The following TYR variants were observed in gnomAD, a reference collection of about 807,000 sequenced individuals.
The protein encoded by TYR is LB24-AB.
In TYR, 58 loss-of-function variants were observed where a neutral mutation model predicts 51.5. That is an observed-to-expected ratio of 1.13 (90% CI 0.91 to 1.40). TYR has a LOEUF of 1.40. Among genes scored for constraint, TYR ranks in the 40% most tolerant of loss-of-function variants. The pLI, the probability that TYR is intolerant of heterozygous loss-of-function variation, is 0.00. For synonymous variants in TYR, 263 were observed against 235.2 expected, an observed-to-expected ratio of 1.12 and a Z score of -1.08; for missense variants, 732 against 647.4, an observed-to-expected ratio of 1.13 and a Z score of -1.42.
At chr11:89,194,622 TCTA>T (rs1943491259) in intron 2 of TYR, among the ~76,000 whole-genome samples, 1 of 152,078 alleles carries the variant, frequency 6.6e-6, no homozygotes, top group Non-Finnish European at 1.5e-5. Context: ...TATTCAGGAT[TCTA>T]CTATTAGCAA....
chr11:89,181,795 C>T (rs746955047), intron 1 of TYR, among the ~76,000 whole-genome samples: 85 of 152,242 alleles, frequency 5.6e-4, no homozygotes, highest in African/African-American at 1.7e-3. Flanking sequence ...TAAAACCAAG[C>T]GGCTCTGACT....
chr11:89,213,901 G>A (rs769290200), intron 2 of TYR, among the ~76,000 whole-genome samples: 1 of 152,186 alleles, frequency 6.6e-6, no homozygotes, highest in South Asian at 2.1e-4. Flanking sequence ...GTAGAAATCT[G>A]AAACTGGATC....
intron 1 of TYR, among the ~76,000 whole-genome samples, chr11:89,181,557 C>G (rs1480773919): frequency 1.3e-5 from 2 of 152,086 alleles, no homozygotes; most frequent in Non-Finnish European, 2.9e-5. Flanking sequence ...TAAGACCTTC[C>G]AAATTAGCTA....
chr11:89,235,151 A>G (rs1944094775), intron 3 of TYR, among the ~76,000 whole-genome samples: 1 of 152,188 alleles, frequency 6.6e-6, no homozygotes, highest in Non-Finnish European at 1.5e-5. Flanking sequence ...TGACTTGTTC[A>G]AATACCTCTT....
At chr11:89,257,119 G>A (rs1274203144) in intron 3 of TYR, among the ~76,000 whole-genome samples, 4 of 151,950 alleles carry the variant, frequency 2.6e-5, no homozygotes, top group African/African-American at 4.8e-5. Context: ...GTCCTTTGCT[G>A]TTCTAGCCTA....
intron 2 of TYR, among the ~76,000 whole-genome samples, chr11:89,226,958 C>G (rs1189479730): frequency 6.6e-6 from 1 of 152,076 alleles, no homozygotes; most frequent in Non-Finnish European, 1.5e-5. Context: ...TCTTCCTCTT[C>G]CTCTTCTTAA....
intron 3 of TYR, among the ~76,000 whole-genome samples, chr11:89,256,545 T>C (rs1944394173): frequency 6.6e-6 from 1 of 151,740 alleles, no homozygotes; most frequent in African/African-American, 2.4e-5. Flanking sequence ...ACAGAAACAA[T>C]GCTAGTTGTT....
intron 2 of TYR, among the ~76,000 whole-genome samples, chr11:89,204,789 C>A (rs1320305925): frequency 6.6e-6 from 1 of 151,066 alleles, no homozygotes; most frequent in East Asian, 1.9e-4. Context: ...AGAAAATAAT[C>A]CCTTATCATA....
intron 1 of TYR, among the ~76,000 whole-genome samples, chr11:89,181,028 T>TCTC (rs1035308927): frequency 1.3e-5 from 2 of 152,176 alleles, no homozygotes; most frequent in African/African-American, 4.8e-5. Context: ...ATTCAGGTGG[T>TCTC]CTCCTGTGAG....
chr11:89,277,578 C>G (rs1412612546), intron 3 of TYR, among the ~76,000 whole-genome samples: 1 of 151,702 alleles, frequency 6.6e-6, no homozygotes, highest in Non-Finnish European at 1.5e-5. Context: ...GACCTGACAT[C>G]CCCACTGAAA....
chr11:89,195,172 T>G (rs2135256406), intron 2 of TYR, among the ~76,000 whole-genome samples: 1 of 152,336 alleles, frequency 6.6e-6, no homozygotes, highest in South Asian at 2.1e-4. Context: ...GAATTGTTAC[T>G]TTTGATTATA....
chr11:89,250,372 A>C (rs1179692019), intron 3 of TYR, among the ~76,000 whole-genome samples: 1 of 151,930 alleles, frequency 6.6e-6, no homozygotes, highest in Admixed American at 6.6e-5. Flanking sequence ...CTATTAATTG[A>C]CTAAAATTAG....
At chr11:89,208,450 T>A (rs1354879747) in intron 2 of TYR, among the ~76,000 whole-genome samples, 2 of 152,202 alleles carry the variant, frequency 1.3e-5, no homozygotes, top group Non-Finnish European at 2.9e-5. Context: ...AGAACCAATG[T>A]GTAACATCAT....
At chr11:89,199,414 T>G (rs1943568242) in intron 2 of TYR, among the ~76,000 whole-genome samples, 1 of 152,190 alleles carries the variant, frequency 6.6e-6, no homozygotes, top group Non-Finnish European at 1.5e-5. Flanking sequence ...TTGTGTCATC[T>G]TCACTCTGAA....
At chr11:89,284,001 T>C (rs187657261) in intron 3 of TYR, 1 of 151,896 alleles carries the variant, frequency 6.6e-6, no homozygotes, top group East Asian at 2.0e-4. Flanking sequence ...AACCATGCTA[T>C]AGAACACAGG....
chr11:89,211,927 C>A (rs1235271900), intron 2 of TYR, among the ~76,000 whole-genome samples: 1 of 152,166 alleles, frequency 6.6e-6, no homozygotes, highest in Non-Finnish European at 1.5e-5. Context: ...GTACCAGAAT[C>A]TCTGGGACAC....
chr11:89,201,490 A>G (rs1256063429), intron 2 of TYR, among the ~76,000 whole-genome samples: 1 of 152,262 alleles, frequency 6.6e-6, no homozygotes, highest in African/African-American at 2.4e-5. Context: ...CAGAAAATTA[A>G]AAAGGCATGT....
At chr11:89,273,782 T>G (rs1944619139) in intron 3 of TYR, among the ~76,000 whole-genome samples, 1 of 151,850 alleles carries the variant, frequency 6.6e-6, no homozygotes. Context: ...AAAATTAAAG[T>G]CTGAGATCAA....
At chr11:89,191,179 T>A (rs771041039) in intron 1 of TYR, 23 bp from the exon 2 acceptor site, 1 of 1,610,402 alleles carries the variant, frequency 6.2e-7, no homozygotes, top group East Asian at 2.2e-5. Context: ...ACAATTTGTT[T>A]AACATGAGGG....
Sources: allele counts gnomAD v4.1 joint callset (sites outside exome capture counted in the v4.1 genomes callset), GRCh38; gene constraint gnomAD v4.1.1; transcripts MANE v1.5; gene names NCBI Gene and HGNC (gene_info 2026-07-23, HGNC 2026-07-21).